DHX9: variants seen among roughly 807,000 people sequenced by gnomAD.
DHX9 encodes the protein DExH-box helicase 9.
A neutral mutation model predicts 148.7 loss-of-function variants in DHX9; 27 were observed. The ratio of observed to expected loss-of-function variants is 0.18; its 90% CI spans 0.13 to 0.25. The LOEUF is 0.25. Among genes scored for constraint, DHX9 ranks in the 10% least tolerant of loss-of-function variants. The pLI is 1.00. For synonymous variants in DHX9, 529 were observed against 516.6 expected (o/e 1.02, Z -0.33); for missense variants, 796 against 1,559.6 (o/e 0.51, Z 8.25).
chr1:182,853,516 G>A (rs180689174), intron 5 of DHX9, 98 bp downstream of exon 5: 3 of 871,538 alleles, frequency 3.4e-6, no homozygotes, highest in Admixed American at 2.6e-5. Flanking sequence ...TAATAATTGG[G>A]TGCATCTTTT....
intron 7 of DHX9, among the ~76,000 whole-genome samples, chr1:182,856,888 C>T (rs547101719): frequency 4.6e-4 from 70 of 152,266 alleles, no homozygotes; most frequent in African/African-American, 1.4e-3. Flanking sequence ...CTTGCTCTGT[C>T]GCCCAGGCTG....
In DHX9 at chr1:182,879,416, T is replaced by C; in HGVS notation, c.2512+6T>C. The C allele has an allele frequency of 6.9e-7, 1 of 1,449,174 alleles. No homozygotes were observed. The highest frequency in any genetic ancestry group is 9.2e-7 in the Non-Finnish European group (1 of 1,082,090). 89.8% of individuals were successfully genotyped at this position (1,449,174 alleles called of 1,614,324 possible). Reference sequence around the variant, plus strand: ...AGCAGAACACACTCTTAGAGGTACTTACAAATACAAACCTACTTGACGCAG... The same window carrying C: ...AGCAGAACACACTCTTAGAGGTACTCACAAATACAAACCTACTTGACGCAG... On this transcript the variant is annotated splice_donor_region_variant and intron_variant, in intron 21 of 27. Coordinates refer to ENST00000367549, the MANE Select transcript of DHX9 (RefSeq NM_001357.5).
chr1:182,881,538 A>G lies in DHX9; in HGVS notation c.2805A>G (p.Ala935=), dbSNP rs1557979749. The G allele has an allele frequency of 9.9e-6, 16 of 1,612,594 alleles. No homozygotes were observed. Among genetic ancestry groups the G allele is most frequent in the Non-Finnish European group, 1.4e-5 (16 of 1,179,636 alleles). The change falls in exon 24 of 28, where the codon GCA becomes GCG. Residue 935 remains alanine, a synonymous_variant. Coordinates refer to ENST00000367549, the MANE Select transcript of DHX9 (RefSeq NM_001357.5). ...WDDARMGGEE[A]EIRFCEHKRL... ...ATTTTAGAATGGGTGGAGAAGAAGC[A>G]GAGATACGTTTTTGTGAGCACAAAA...
intron 19 of DHX9, 78 bp from the exon 20 acceptor site, chr1:182,877,943 C>T: frequency 6.8e-7 from 1 of 1,464,940 alleles, no homozygotes. Flanking sequence ...TAGTGGAAAG[C>T]ATTCACTACT....
At chr1:182,883,932 T>A (rs1182358335) in intron 26 of DHX9, among the ~76,000 whole-genome samples, 1 of 152,164 alleles carries the variant, frequency 6.6e-6, no homozygotes, top group African/African-American at 2.4e-5. Context: ...GGAATAGAGC[T>A]TAATGGACAG....
intron 13 of DHX9, 94 bp downstream of exon 13, chr1:182,866,679 AGC>A (rs1450195001): frequency 2.9e-6 from 4 of 1,400,732 alleles, no homozygotes; most frequent in Non-Finnish European, 3.9e-6. Context: ...AGAAATAATG[AGC>A]CAGTCTCAGA....
intron 1 of DHX9, among the ~76,000 whole-genome samples, chr1:182,841,904 AG>A (rs1667938938): frequency 6.6e-6 from 1 of 152,236 alleles, no homozygotes; most frequent in Non-Finnish European, 1.5e-5. Context: ...TTAAGTTAAT[AG>A]GTTACCGTCT....
intron 12 of DHX9, chr1:182,860,451 T>A (rs1218989920): frequency 4.1e-6 from 1 of 241,150 alleles, no homozygotes; most frequent in African/African-American, 2.2e-5. Flanking sequence ...GATTAAGAAT[T>A]CTTTGTCCTA....
At chr1:182,862,245 C>G (rs551862945) in intron 12 of DHX9, among the ~76,000 whole-genome samples, 12 of 152,192 alleles carry the variant, frequency 7.9e-5, no homozygotes, top group Admixed American at 2.6e-4. Context: ...TATCTCAGTT[C>G]ACAGAGCACA....
intron 21 of DHX9, 98 bp from the exon 22 acceptor site, chr1:182,880,399 G>A (rs1649033612): frequency 1.5e-6 from 1 of 683,598 alleles, no homozygotes. Context: ...GACAAAAGAG[G>A]AACTCTAAAC....
At chr1:182,874,675 G>A (rs1242466675) in intron 15 of DHX9, among the ~76,000 whole-genome samples, 179 bp from the exon 16 acceptor site, 1 of 152,180 alleles carries the variant, frequency 6.6e-6, no homozygotes, top group Non-Finnish European at 1.5e-5. Flanking sequence ...TCTAAGAGAG[G>A]GAAACACTGA....
intron 14 of DHX9, 103 bp downstream of exon 14, chr1:182,867,146 A>G (rs1381128867): frequency 1.4e-6 from 1 of 690,082 alleles, no homozygotes. Flanking sequence ...TATCATTATC[A>G]AAACCATGAA....
At chr1:182,869,473 G>A (rs1184902290) in intron 14 of DHX9, among the ~76,000 whole-genome samples, 6 of 151,762 alleles carry the variant, frequency 4.0e-5, no homozygotes, top group South Asian at 2.1e-4. Context: ...AGTCTTACCC[G>A]GTTTGCTGCG....
chr1:182,869,308 G>C (rs903567733), intron 14 of DHX9, among the ~76,000 whole-genome samples: 1 of 151,548 alleles, frequency 6.6e-6, no homozygotes, highest in Non-Finnish European at 1.5e-5. Flanking sequence ...AGTCTGGTCC[G>C]GTCCTGACCA....
chr1:182,859,204 C>A, intron 11 of DHX9, 87 bp downstream of exon 11: 2 of 1,241,238 alleles, frequency 1.6e-6, no homozygotes, highest in Non-Finnish European at 2.3e-6. Context: ...GTACATTTTG[C>A]CCTTTTAAGG....
chr1:182,883,046 A>G, intron 24 of DHX9, 93 bp from the exon 25 acceptor site: 1 of 833,272 alleles, frequency 1.2e-6, no homozygotes. Context: ...AGTGAGGAAG[A>G]GTCAGTTCTC....
chr1:182,883,439 T>G, intron 25 of DHX9, 71 bp downstream of exon 25: 1 of 1,581,280 alleles, frequency 6.3e-7, no homozygotes, highest in Non-Finnish European at 8.7e-7. Context: ...ACATGAATTT[T>G]GATTTTCAAA....
chr1:182,873,589 A>G (rs966950489), intron 15 of DHX9, among the ~76,000 whole-genome samples: 1 of 152,220 alleles, frequency 6.6e-6, no homozygotes, highest in African/African-American at 2.4e-5. Context: ...ATGTTACTGG[A>G]TTATACTCAA....
At chr1:182,843,730 A>G (rs1667972924) in intron 3 of DHX9, among the ~76,000 whole-genome samples, 1 of 152,188 alleles carries the variant, frequency 6.6e-6, no homozygotes. Flanking sequence ...TCCATTCATT[A>G]CCAATGATAA....
Sources: allele counts gnomAD v4.1 joint callset (sites outside exome capture counted in the v4.1 genomes callset), GRCh38; gene constraint gnomAD v4.1.1; transcripts MANE v1.5; gene names NCBI Gene and HGNC (gene_info 2026-07-23, HGNC 2026-07-21).